Variants in WIPF3 observed in about 807,000 individuals in gnomAD.
The protein encoded by WIPF3 is WAS/WASL interacting protein family member 3.
In WIPF3, 33 loss-of-function variants were observed where a neutral mutation model predicts 38.9. That is an observed-to-expected ratio of 0.85 (90% CI 0.64 to 1.14). The LOEUF (loss-of-function observed/expected upper bound fraction) is 1.14. Ranked by LOEUF, WIPF3 falls within the 50% of genes most tolerant of loss-of-function variation. WIPF3 has a pLI of 0.00. For missense variants in WIPF3, 711 were observed against 652.5 expected (o/e 1.09, Z -0.98); for synonymous variants, 324 against 269.3 (o/e 1.20, Z -1.99).
intron 1 of WIPF3, among the ~76,000 whole-genome samples, chr7:29,818,977 A>C (rs546315900): frequency 6.6e-6 from 1 of 152,230 alleles, no homozygotes; most frequent in East Asian, 1.9e-4. Flanking sequence ...GGCGTGTATT[A>C]TTTTTAGTGT....
chr7:29,854,286 C>T (rs1785151288), intron 2 of WIPF3, among the ~76,000 whole-genome samples: 1 of 152,196 alleles, frequency 6.6e-6, no homozygotes, highest in Non-Finnish European at 1.5e-5. Flanking sequence ...AGAATTTTCT[C>T]TATATTTATA....
chr7:29,898,358 T>C (rs186421490), intron 7 of WIPF3, among the ~76,000 whole-genome samples: 193 of 152,152 alleles, frequency 1.3e-3, no homozygotes, highest in Non-Finnish European at 2.4e-3. Context: ...CAGAATCCGA[T>C]CTCTCTTACC....
At chr7:29,864,497 A>G (rs145222555) in intron 2 of WIPF3, among the ~76,000 whole-genome samples, 39 of 152,312 alleles carry the variant, frequency 2.6e-4, no homozygotes, top group African/African-American at 9.4e-4. Context: ...TGTCTCTACA[A>G]ATGTCTCTAA....
chr7:29,817,745 A>C (rs948521821), intron 1 of WIPF3, among the ~76,000 whole-genome samples: 2 of 152,166 alleles, frequency 1.3e-5, no homozygotes, highest in African/African-American at 4.8e-5. Flanking sequence ...GGTTTTAATG[A>C]ATATGGCTTT....
chr7:29,880,942 C>G (rs561596161), intron 4 of WIPF3, among the ~76,000 whole-genome samples: 1 of 152,254 alleles, frequency 6.6e-6, no homozygotes, highest in East Asian at 1.9e-4. Context: ...TCTGGCCTAC[C>G]TTTCTTGGTG....
chr7:29,871,560 C>A (rs150441310), intron 2 of WIPF3, among the ~76,000 whole-genome samples: 1 of 152,096 alleles, frequency 6.6e-6, no homozygotes, highest in Non-Finnish European at 1.5e-5. Context: ...TTCACAATTA[C>A]GAGTATTGGA....
intron 7 of WIPF3, among the ~76,000 whole-genome samples, chr7:29,892,048 C>A (rs998200051): frequency 6.6e-6 from 1 of 152,204 alleles, no homozygotes; most frequent in Non-Finnish European, 1.5e-5. Flanking sequence ...TATAACACCC[C>A]TTTCCCCATC....
Position 29,823,637 on chromosome 7 carries a change from C to G in WIPF3, c.-57-11031C>G, listed in dbSNP as rs1784573342. ...ACTGATATGGTTTGGATTTGTATCC[C>G]TGCCCAAATCTCATGTCGAACTGTA... On this transcript the variant is annotated intron_variant, in intron 1 of 8. Coordinates refer to ENST00000242140, the MANE Select transcript of WIPF3 (RefSeq NM_001080529.3). The surrounding 1 kb of genome is among the most constrained non-coding windows in gnomAD (Gnocchi z 4.0). Among the ~76,000 whole-genome samples, 1 of 152,186 alleles carries G rather than the reference C, an allele frequency of 6.6e-6. No individual in the cohort carries two copies. Among genetic ancestry groups the G allele is most frequent in the Admixed American group, 6.5e-5 (1 of 15,278 alleles).
intron 2 of WIPF3, among the ~76,000 whole-genome samples, chr7:29,835,439 G>C (rs560610313): frequency 6.6e-6 from 1 of 152,150 alleles, no homozygotes; most frequent in East Asian, 1.9e-4. Flanking sequence ...CTGACATTTG[G>C]GGTGAGATCA....
At chr7:29,819,185 T>C (rs1784500423) in intron 1 of WIPF3, among the ~76,000 whole-genome samples, 1 of 152,142 alleles carries the variant, frequency 6.6e-6, no homozygotes, top group Non-Finnish European at 1.5e-5. Context: ...GGTGGATCTT[T>C]GACAACTTTC....
chr7:29,838,924 T>C (rs1346248525), intron 2 of WIPF3, among the ~76,000 whole-genome samples: 1 of 152,144 alleles, frequency 6.6e-6, no homozygotes, highest in African/African-American at 2.4e-5. Context: ...TGTGGAGGAA[T>C]AGCCACGTGA....
At chr7:29,905,845 C>T (rs1166460717) in intron 8 of WIPF3, 2 of 151,614 alleles carry the variant, frequency 1.3e-5, no homozygotes, top group African/African-American at 2.4e-5. Context: ...TTTTTTTCCC[C>T]ATTTGGGAGC....
At chr7:29,810,560 GTTGTT>G in intron 1 of WIPF3, among the ~76,000 whole-genome samples, 1 of 152,324 alleles carries the variant, frequency 6.6e-6, no homozygotes, top group East Asian at 1.9e-4. Flanking sequence ...TGTTTTATCT[GTTGTT>G]TTAACTTTCA....
At chr7:29,913,112 C>T (rs777926951) in intron 8 of WIPF3, among the ~76,000 whole-genome samples, 2 of 152,114 alleles carry the variant, frequency 1.3e-5, no homozygotes, top group Non-Finnish European at 2.9e-5. Flanking sequence ...TTTGGGAGGC[C>T]AAGGCAGTCG....
intron 7 of WIPF3, among the ~76,000 whole-genome samples, chr7:29,891,934 T>C (rs116401710): frequency 0.011 from 1,644 of 152,156 alleles, 31 homozygotes; most frequent in African/African-American, 0.038. Context: ...GCTGGGTGCA[T>C]GTAGGAACCA....
intron 8 of WIPF3, among the ~76,000 whole-genome samples, chr7:29,908,100 T>C (rs28782326): frequency 0.032 from 4,849 of 152,286 alleles, 98 homozygotes; most frequent in Middle Eastern, 0.1. Flanking sequence ...TCCAACAGTA[T>C]GCTGTTTACA....
At chr7:29,890,504 T>A (rs1189910641) in intron 7 of WIPF3, among the ~76,000 whole-genome samples, 1 of 152,176 alleles carries the variant, frequency 6.6e-6, no homozygotes, top group African/African-American at 2.4e-5. Context: ...ACACCCTAAG[T>A]AAGCCCCCAT....
intron 8 of WIPF3, among the ~76,000 whole-genome samples, chr7:29,913,345 CAAAA>C (rs1161222562): frequency 6.7e-5 from 5 of 74,602 alleles, no homozygotes; most frequent in Admixed American, 1.6e-4. Context: ...AACTCCGTCT[CAAAA>C]AAAAAAAAAA....
At chr7:29,896,623 AT>A (rs1000811634) in intron 7 of WIPF3, among the ~76,000 whole-genome samples, 8 of 151,962 alleles carry the variant, frequency 5.3e-5, no homozygotes, top group Middle Eastern at 3.4e-3. Context: ...CAAAAAAAAA[AT>A]TTTTTTTTAA....
Sources: allele counts gnomAD v4.1 joint callset (sites outside exome capture counted in the v4.1 genomes callset), GRCh38; gene constraint gnomAD v4.1.1; non-coding constraint Gnocchi (gnomAD v3.1); transcripts MANE v1.5; gene names NCBI Gene and HGNC (gene_info 2026-07-23, HGNC 2026-07-21).